OGDH: variants seen among roughly 807,000 people sequenced by gnomAD.
OGDH encodes the protein 2-oxoglutarate dehydrogenase complex component E1.
OGDH carries 38 observed loss-of-function variants against 116.6 expected under a neutral mutation model. The ratio of observed to expected loss-of-function variants is 0.33; its 90% CI spans 0.25 to 0.43. The LOEUF (loss-of-function observed/expected upper bound fraction) is 0.43, where lower values mean the gene tolerates loss of function less well. Ranked by LOEUF, OGDH falls within the 20% of genes least tolerant of loss-of-function variation. The pLI, the probability that OGDH is intolerant of heterozygous loss-of-function variation, is 1.00. For missense variants in OGDH, 825 were observed against 1,357.2 expected (o/e 0.61, Z 6.16); for synonymous variants, 488 against 533.3 (o/e 0.92, Z 1.17).
In OGDH at chr7:44,673,948, G is replaced by T; in HGVS notation, c.788+7G>T. The T allele has an allele frequency of 6.2e-7, 1 of 1,614,166 alleles. No homozygotes were observed. The highest frequency in any genetic ancestry group is 8.5e-7 in the Non-Finnish European group (1 of 1,180,008). ...GGCTTGTGCGGTCCACCAGGTATGG[G>T]TCTGGCCCTGGGCCATGGGGCAGAC... On this transcript the variant is annotated splice_region_variant and intron_variant, in intron 6 of 22. Transcript: ENST00000222673.
chr7:44,692,213 T>G (rs1483761761), intron 10 of OGDH, among the ~76,000 whole-genome samples: 1 of 152,114 alleles, frequency 6.6e-6, no homozygotes, highest in African/African-American at 2.4e-5. Context: ...TATAAGGATG[T>G]GTACAGCAAC....
chr7:44,690,895 G>T (rs148888251), intron 10 of OGDH, among the ~76,000 whole-genome samples: 6 of 152,028 alleles, frequency 3.9e-5, no homozygotes, highest in Non-Finnish European at 7.4e-5. Flanking sequence ...AGCTGAGATT[G>T]TTCAGGGCTC....
chr7:44,636,714 T>G (rs1012998413), intron 2 of OGDH, among the ~76,000 whole-genome samples: 1 of 152,216 alleles, frequency 6.6e-6, no homozygotes, highest in African/African-American at 2.4e-5. Context: ...ATTCTGAGTT[T>G]GTGGGAGCTT....
At position 44,644,100 on chromosome 7, in the gene OGDH, G is replaced by C. The variant is rs566152424; in HGVS notation, c.223-1227G>C. Among the ~76,000 whole-genome samples the C allele has an allele frequency of 5.9e-5, 9 of 152,284 alleles. No individual in the cohort carries two copies. In the South Asian group the frequency reaches 1.7e-3, roughly 28 times the overall value. ...TGCTCCTGTAATCCCCGCTGCTCAG[G>C]AGGCTGAGGCAGGAGAATCACTTGA... On this transcript the variant is annotated intron_variant, in intron 2 of 22. Coordinates refer to ENST00000222673, the MANE Select transcript of OGDH (RefSeq NM_002541.4).
At chr7:44,696,867 T>C (rs1377178743) in intron 14 of OGDH, 47 bp from the exon 15 acceptor site, 8 of 1,553,868 alleles carry the variant, frequency 5.1e-6, no homozygotes, top group Non-Finnish European at 7.0e-6. Flanking sequence ...AAGGCAGGCA[T>C]GTGCAGGCAG....
chr7:44,666,734 A>G lies in OGDH; in HGVS notation c.518-2A>G. 2 of 1,598,082 alleles carry G rather than the reference A, an allele frequency of 1.3e-6. No individual in the cohort carries two copies. Among genetic ancestry groups the G allele is most frequent in the South Asian group, 1.1e-5 (1 of 89,594 alleles). On this transcript the variant is annotated splice_acceptor_variant, in intron 4 of 22. Coordinates refer to ENST00000222673, the MANE Select transcript of OGDH (RefSeq NM_002541.4). LOFTEE classifies it high-confidence loss of function. ...GCTTGTCCTGCCCACATCGCCCTGCAGGGTTCTATGGCCTGGATGAGTCTG... is the reference window on the plus strand; with the variant it reads ...GCTTGTCCTGCCCACATCGCCCTGCGGGGTTCTATGGCCTGGATGAGTCTG...
chr7:44,682,722 G>A (rs1361637904), intron 10 of OGDH, among the ~76,000 whole-genome samples: 1 of 152,026 alleles, frequency 6.6e-6, no homozygotes, highest in Non-Finnish European at 1.5e-5. Context: ...GCATGGTGGT[G>A]CATGCCTGTG....
rs1420542816 is a variant in OGDH at position 44,709,008 on chromosome 7, A to AG, written c.*1011dup. The AG allele has an allele frequency of 2.0e-5, 3 of 150,052 alleles. No individual in the cohort carries two copies. The highest frequency in any genetic ancestry group is 3.5e-3 in the Middle Eastern group (1 of 288). 9.3% of individuals were successfully genotyped at this position (150,052 alleles called of 1,614,324 possible). A position where few individuals can be genotyped will look rare whatever the true frequency, so the allele number is the denominator to read the frequency against. On this transcript the variant is annotated 3_prime_UTR_variant, in exon 23 of 23. Coordinates refer to ENST00000222673, the MANE Select transcript of OGDH (RefSeq NM_002541.4). ...TTTATTTTGGTTAAAAAAAAAAAAA[A>AG]GGAACAGAAACAACTTTGCATTGCA...
At chr7:44,676,441 G>C (rs1039669348) in intron 9 of OGDH, 14 of 485,652 alleles carry the variant, frequency 2.9e-5, no homozygotes, top group African/African-American at 2.7e-4. Flanking sequence ...TGTAATCCCA[G>C]CTACTCAGGA....
At chr7:44,681,359 C>G (rs1383483804) in intron 9 of OGDH, among the ~76,000 whole-genome samples, 2 of 152,190 alleles carry the variant, frequency 1.3e-5, no homozygotes, top group African/African-American at 2.4e-5. Context: ...CCAAAGAGAC[C>G]TGGCAAGTGA....
Position 44,642,769 on chromosome 7 carries a change from A to G in OGDH, c.223-2558A>G, listed in dbSNP as rs185259416. 5.8e-3 allele frequency among the ~76,000 whole-genome samples: 875 copies of G among 152,098 alleles called. 9 individuals are homozygous for G. The highest frequency in any genetic ancestry group is 0.019 in the African/African-American group (797 of 41,454). ...AAACCCTGTCTCTACTAAAAATACAAAAATTAGCTGGGCATGGTGGCAGGC... is the reference window on the plus strand; with the variant it reads ...AAACCCTGTCTCTACTAAAAATACAGAAATTAGCTGGGCATGGTGGCAGGC... On this transcript the variant is annotated intron_variant, in intron 2 of 22. Transcript: ENST00000222673.
At chr7:44,666,920 C>T in intron 5 of OGDH, 69 bp downstream of exon 5, 1 of 910,916 alleles carries the variant, frequency 1.1e-6, no homozygotes, top group Non-Finnish European at 1.7e-6. Context: ...GGCTTTGAGA[C>T]TAGTTTTATT....
chr7:44,665,947 T>C (rs1304086955), intron 4 of OGDH, among the ~76,000 whole-genome samples: 1 of 152,202 alleles, frequency 6.6e-6, no homozygotes, highest in Non-Finnish European at 1.5e-5. Flanking sequence ...TGAGATGCAC[T>C]TTCAGGTGAG....
chr7:44,639,126 A>T (rs1785805609), intron 2 of OGDH, among the ~76,000 whole-genome samples: 1 of 152,186 alleles, frequency 6.6e-6, no homozygotes, highest in African/African-American at 2.4e-5. Flanking sequence ...GAGCAAGTGG[A>T]CAGGGAGGGC....
intron 2 of OGDH, among the ~76,000 whole-genome samples, chr7:44,625,549 T>C (rs1785170500): frequency 6.6e-6 from 1 of 152,190 alleles, no homozygotes; most frequent in Non-Finnish European, 1.5e-5. Flanking sequence ...GGGAAGACAG[T>C]GTAGTATAGT....
At chr7:44,696,637 C>A in intron 14 of OGDH, 80 bp downstream of exon 14, 1 of 1,572,268 alleles carries the variant, frequency 6.4e-7, no homozygotes, top group Non-Finnish European at 8.7e-7. Context: ...TGACCTTGGC[C>A]CCCACCCATC....
chr7:44,633,081 G>T (rs1585251891), intron 2 of OGDH, among the ~76,000 whole-genome samples: 1 of 150,914 alleles, frequency 6.6e-6, no homozygotes, highest in East Asian at 2.0e-4. Flanking sequence ...GTGAAACCCT[G>T]TCTGTACTAA....
chr7:44,669,730 T>G (rs1787350327), intron 5 of OGDH, among the ~76,000 whole-genome samples: 1 of 151,426 alleles, frequency 6.6e-6, no homozygotes, highest in Non-Finnish European at 1.5e-5. Flanking sequence ...TGGCTCTTGT[T>G]GTCTGAGATG....
intron 1 of OGDH, chr7:44,622,921 T>C (rs1384487656): frequency 6.6e-6 from 1 of 152,236 alleles, no homozygotes; most frequent in Non-Finnish European, 1.5e-5. Context: ...AAAGAGCTGG[T>C]GCCTGCCTTA....
Sources: gnomAD v4.1 joint callset for allele counts (sites outside exome capture counted in the v4.1 genomes callset) on GRCh38, gnomAD v4.1.1 for gene constraint, MANE v1.5 for transcripts, NCBI Gene and HGNC (gene_info 2026-07-23, HGNC 2026-07-21) for gene names.